The following KIF5C variants were observed in gnomAD, a reference collection of about 807,000 sequenced individuals.
The protein encoded by KIF5C is kinesin family member 5C.
Under a neutral mutation model 125.2 loss-of-function variants are expected in KIF5C, and 18 were observed. That is an observed-to-expected ratio of 0.14 (90% CI 0.10 to 0.21). KIF5C has a LOEUF of 0.21. KIF5C is among the 10% of genes least tolerant of loss of function. The probability of loss-of-function intolerance (pLI) is 1.00; values close to 1 mark genes in which losing one functional copy is unlikely to be tolerated. For synonymous variants in KIF5C, 405 were observed against 434.0 expected (o/e 0.93, Z 0.83); for missense variants, 780 against 1,183.8 (o/e 0.66, Z 5.01).
intron 21 of KIF5C, among the ~76,000 whole-genome samples, chr2:149,002,791 A>T (rs1003522474): frequency 6.6e-6 from 1 of 152,160 alleles, no homozygotes; most frequent in Non-Finnish European, 1.5e-5. Flanking sequence ...ACTCATTTCC[A>T]TGCTCACGGA....
chr2:148,925,244 CAG>C (rs946342512), intron 2 of KIF5C, among the ~76,000 whole-genome samples: 9 of 152,114 alleles, frequency 5.9e-5, no homozygotes, highest in African/African-American at 1.7e-4. Flanking sequence ...GCACAGGGTG[CAG>C]AGTGGCATTA....
At chr2:149,021,403 G>GTT (rs59816637) in intron 25 of KIF5C, among the ~76,000 whole-genome samples, 1 of 146,338 alleles carries the variant, frequency 6.8e-6, no homozygotes. Flanking sequence ...GTGTTGTTCT[G>GTT]TTTTTTTTTT....
chr2:148,941,546 A>C, intron 4 of KIF5C, 64 bp from the exon 5 acceptor site: 1 of 1,545,274 alleles, frequency 6.5e-7, no homozygotes, highest in Non-Finnish European at 8.7e-7. Context: ...CATAAGTACT[A>C]ATAATGGCAT....
chr2:148,991,250 C>G (rs1681519434), intron 16 of KIF5C, 52 bp downstream of exon 16: 1 of 1,566,880 alleles, frequency 6.4e-7, no homozygotes, highest in Non-Finnish European at 8.7e-7. Flanking sequence ...GAGATCTGCT[C>G]CCTCCATGCC....
Position 149,001,625 on chromosome 2 carries a change from C to T in KIF5C, c.2373+843C>T, listed in dbSNP as rs548664009. Among the ~76,000 whole-genome samples, 10 of 152,294 alleles carry T rather than the reference C, an allele frequency of 6.6e-5. No homozygotes were observed. The South Asian group carries it at 2.1e-3, about 32-fold the overall frequency. On this transcript the variant is annotated intron_variant, in intron 21 of 25. Coordinates refer to ENST00000435030, the MANE Select transcript of KIF5C (RefSeq NM_004522.3). ...TCTGTCGTGTGTCTGGGTTTGTTGG[C>T]ATCATCTCCTCTGGTCGGCTTCCAT...
In KIF5C at chr2:148,904,038, G is replaced by A. The variant is rs567209257; in HGVS notation, c.127-18099G>A. 9.8e-5 allele frequency among the ~76,000 whole-genome samples: 15 copies of A among 152,312 alleles called. 1 individual carries two copies. In the Middle Eastern group the frequency reaches 0.014, roughly 138 times the overall value. On this transcript the variant is annotated intron_variant, in intron 1 of 25. Coordinates refer to ENST00000435030, the MANE Select transcript of KIF5C (RefSeq NM_004522.3). ...TGAATAATGTATGTATGTGCTAGAG[G>A]TATACAGATTGAAGTGAAGACTTGA...
At position 149,011,571 on chromosome 2, in the gene KIF5C, C is replaced by G. The variant is rs529903630; in HGVS notation, c.2769C>G (p.Ala923=). Residue 923 remains alanine (A), a splice_region_variant and synonymous_variant, in exon 25 of 26, where the codon GCC becomes GCG. Coordinates refer to ENST00000435030, the MANE Select transcript of KIF5C (RefSeq NM_004522.3). ...CTTCTTTCTGTTGGTTGGATACAGC[C>G]AAGCCCATCCGCCCCGGACACTACC... ...MARRAHSAQI[A]KPIRPGHYPA... is the part of the protein sequence containing the mutation. The G allele has an allele frequency of 1.9e-6, 3 of 1,614,050 alleles. No individual in the cohort carries two copies. Among genetic ancestry groups the G allele is most frequent in the Non-Finnish European group, 1.7e-6 (2 of 1,179,896 alleles).
intron 14 of KIF5C, among the ~76,000 whole-genome samples, 153 bp downstream of exon 14, chr2:148,981,714 T>C (rs1395549567): frequency 6.6e-6 from 1 of 152,222 alleles, no homozygotes; most frequent in Non-Finnish European, 1.5e-5. Flanking sequence ...ACAATTGAAA[T>C]ACTTCGTGCA....
At chr2:148,909,785 G>A (rs544430411) in intron 1 of KIF5C, among the ~76,000 whole-genome samples, 17 of 152,188 alleles carry the variant, frequency 1.1e-4, no homozygotes, top group Non-Finnish European at 2.4e-4. Flanking sequence ...TTAGATTTTG[G>A]TGGTTCTAGG....
At position 149,025,908 on chromosome 2, in the gene KIF5C, G is replaced by A. The variant is rs191213188; in HGVS notation, c.*2838G>A. The A allele has an allele frequency of 5.2e-5, 8 of 152,634 alleles. No homozygotes were observed. Among genetic ancestry groups the A allele is most frequent in the East Asian group, 1.9e-4 (1 of 5,186 alleles). 9.5% of individuals were successfully genotyped at this position (152,634 alleles called of 1,614,324 possible). On this transcript the variant is annotated 3_prime_UTR_variant, in exon 26 of 26. Transcript: ENST00000435030. ...TAGTAGACAGAACAATAACAGTTTC[G>A]CGTTAAGACTTTTAAAGGAAATAGA...
At position 148,941,617 on chromosome 2, in the gene KIF5C, A is replaced by G; in HGVS notation, c.404A>G (p.Tyr135Cys). The change falls in exon 5 of 26, where the codon TAT becomes TGT. Residue 135 changes from tyrosine (Y) to cysteine (C), a missense_variant. Tyr to Cys is a radical substitution (Grantham distance 194). Coordinates refer to ENST00000435030, the MANE Select transcript of KIF5C (RefSeq NM_004522.3). ...CAATTTGTTTTTAACTAGGTTTCCT[A>G]TTTTGAGATCTACTTGGACAAAATA... ...ENLEFHIKVS[Y>C]FEIYLDKIRD... The G allele has an allele frequency of 6.4e-7, 1 of 1,558,764 alleles. No homozygotes were observed. The highest frequency in any genetic ancestry group is 1.4e-5 in the African/African-American group (1 of 73,896).
chr2:148,884,742 A>C (rs1025708260), intron 1 of KIF5C, among the ~76,000 whole-genome samples: 1 of 152,198 alleles, frequency 6.6e-6, no homozygotes, highest in African/African-American at 2.4e-5. Flanking sequence ...AGGCAGTTCT[A>C]CTTTTCTTCT....
At chr2:148,889,738 C>T (rs1427544673) in intron 1 of KIF5C, among the ~76,000 whole-genome samples, 2 of 152,170 alleles carry the variant, frequency 1.3e-5, no homozygotes, top group Non-Finnish European at 2.9e-5. Context: ...TTACTTCATG[C>T]TTTGATGGTT....
chr2:148,878,837 C>G (rs2105031987), intron 1 of KIF5C: 1 of 152,294 alleles, frequency 6.6e-6, no homozygotes, highest in Admixed American at 6.5e-5. Flanking sequence ...CACCTTCAAA[C>G]AGAGACAAGT....
intron 10 of KIF5C, among the ~76,000 whole-genome samples, chr2:148,957,470 A>C (rs1366250409): frequency 6.6e-6 from 1 of 152,112 alleles, no homozygotes; most frequent in Non-Finnish European, 1.5e-5. Context: ...AAGAAAAAGA[A>C]ATTGTAGATA....
At chr2:148,981,688 C>A in intron 14 of KIF5C, 127 bp downstream of exon 14, 1 of 1,396,230 alleles carries the variant, frequency 7.2e-7, no homozygotes, top group Non-Finnish European at 9.4e-7. Flanking sequence ...TAGATGCATT[C>A]TCTGAGGTCC....
chr2:148,936,997 ACT>A (rs1196287544), intron 3 of KIF5C, among the ~76,000 whole-genome samples: 3 of 151,856 alleles, frequency 2.0e-5, no homozygotes, highest in Non-Finnish European at 4.4e-5. Flanking sequence ...AGCCACATAG[ACT>A]CTGATTTTGT....
At chr2:148,986,511 C>T (rs775338192) in intron 15 of KIF5C, among the ~76,000 whole-genome samples, 2 of 152,192 alleles carry the variant, frequency 1.3e-5, no homozygotes, top group African/African-American at 4.8e-5. Context: ...CAAAAATTGT[C>T]GGCTCAGAAA....
At chr2:148,900,248 C>T (rs1357113036) in intron 1 of KIF5C, among the ~76,000 whole-genome samples, 1 of 152,108 alleles carries the variant, frequency 6.6e-6, no homozygotes, top group African/African-American at 2.4e-5. Context: ...AATTTATCTC[C>T]CCCTTCATCC....
Sources: allele counts gnomAD v4.1 joint callset (sites outside exome capture counted in the v4.1 genomes callset), GRCh38; gene constraint gnomAD v4.1.1; transcripts MANE v1.5; gene names NCBI Gene and HGNC (gene_info 2026-07-23, HGNC 2026-07-21).